Variants in KLHL1 observed in about 807,000 individuals in gnomAD.
KLHL1 encodes kelch-like protein 1.
KLHL1 carries 47 observed loss-of-function variants against 77.7 expected under a neutral mutation model. The observed-to-expected ratio is 0.60, with a 90% confidence interval of 0.48 to 0.77. KLHL1 has a LOEUF of 0.77. Among genes scored for constraint, KLHL1 ranks in the 30% least tolerant of loss-of-function variants. KLHL1 has a pLI of 0.00. For synonymous variants in KLHL1, 360 were observed against 325.2 expected, an observed-to-expected ratio of 1.11 and a Z score of -1.15; for missense variants, 925 against 910.8, an observed-to-expected ratio of 1.02 and a Z score of -0.20.
intron 5 of KLHL1, among the ~76,000 whole-genome samples, chr13:69,848,104 C>T (rs1443525441): frequency 2.0e-5 from 3 of 151,364 alleles, no homozygotes; most frequent in Non-Finnish European, 3.0e-5. Context: ...AATAGTGAGC[C>T]GTGGCTAGGA....
chr13:69,901,795 CTT>C lies in KLHL1; in HGVS notation c.1015-19302_1015-19301del, dbSNP rs1205221353. Among the ~76,000 whole-genome samples the C allele has an allele frequency of 5.4e-3, 220 of 40,850 alleles. 1 individual carries two copies. The highest frequency in any genetic ancestry group is 6.0e-3 in the Non-Finnish European group (140 of 23,166). 26.8% of individuals were successfully genotyped at this position (40,850 alleles called of 152,430 possible). A position where few individuals can be genotyped will look rare whatever the true frequency, so the allele number is the denominator to read the frequency against. ...TCATTTTCTTTCTTTTTCTTTTTTT[CTT>C]TTTTTTTTTTTTTTTCTGAGACGGA... On this transcript the variant is annotated intron_variant, in intron 4 of 10. Coordinates refer to ENST00000377844, the MANE Select transcript of KLHL1 (RefSeq NM_020866.3).
At chr13:70,082,359 A>G (rs1175851932) in intron 1 of KLHL1, among the ~76,000 whole-genome samples, 1 of 147,902 alleles carries the variant, frequency 6.8e-6, no homozygotes, top group African/African-American at 2.5e-5. Context: ...ACACACACAC[A>G]CACACACACA....
chr13:69,714,834 T>A (rs1876043136), intron 9 of KLHL1, among the ~76,000 whole-genome samples: 1 of 151,972 alleles, frequency 6.6e-6, no homozygotes, highest in Non-Finnish European at 1.5e-5. Flanking sequence ...GCTCAAGCAA[T>A]CCACAGTTCT....
chr13:69,983,159 A>C lies in KLHL1; in HGVS notation c.498-7357T>G, dbSNP rs1012913489. Among the ~76,000 whole-genome samples, 35 of 152,316 alleles carry C rather than the reference A, an allele frequency of 2.3e-4. 1 individual carries two copies. The highest frequency in any genetic ancestry group is 8.4e-4 in the African/African-American group (35 of 41,574). On this transcript the variant is annotated intron_variant, in intron 1 of 10. Transcript: ENST00000377844. ...ATAGTACAGAGGGTGCAAGATTTCTACAATGAAAACTACAAAATACTGATG... is the reference window on the plus strand; with the variant it reads ...ATAGTACAGAGGGTGCAAGATTTCTCCAATGAAAACTACAAAATACTGATG...
intron 3 of KLHL1, among the ~76,000 whole-genome samples, chr13:69,948,894 T>C (rs1438638085): frequency 6.6e-6 from 1 of 151,832 alleles, no homozygotes; most frequent in African/African-American, 2.4e-5. Flanking sequence ...ACAACGTAAA[T>C]CAAATTTTAT....
At chr13:69,716,490 A>G (rs181652101) in intron 9 of KLHL1, among the ~76,000 whole-genome samples, 4 of 152,326 alleles carry the variant, frequency 2.6e-5, no homozygotes, top group African/African-American at 9.6e-5. Context: ...CTTTCTGGTC[A>G]AATTTGCAAT....
At chr13:69,887,032 G>A (rs1881245687) in intron 4 of KLHL1, among the ~76,000 whole-genome samples, 1 of 152,128 alleles carries the variant, frequency 6.6e-6, no homozygotes, top group Non-Finnish European at 1.5e-5. Context: ...GGGGATCCTG[G>A]AATTTGGCTA....
chr13:69,757,819 T>C (rs569968215), intron 7 of KLHL1, among the ~76,000 whole-genome samples: 27 of 151,808 alleles, frequency 1.8e-4, no homozygotes, highest in African/African-American at 6.3e-4. Context: ...TAGCTTGGCG[T>C]GGTGGCAGGT....
chr13:69,818,284 G>A (rs141914108), intron 6 of KLHL1, among the ~76,000 whole-genome samples: 4 of 142,644 alleles, frequency 2.8e-5, no homozygotes, highest in Admixed American at 7.3e-5. Context: ...GCAGTGGCAC[G>A]ATCTCAGCTC....
At chr13:69,820,299 G>T (rs549778356) in intron 6 of KLHL1, among the ~76,000 whole-genome samples, 1 of 152,132 alleles carries the variant, frequency 6.6e-6, no homozygotes, top group Non-Finnish European at 1.5e-5. Flanking sequence ...TTATCATAAC[G>T]TATTCACTGT....
At chr13:69,854,650 T>C (rs913911596) in intron 5 of KLHL1, among the ~76,000 whole-genome samples, 1 of 152,082 alleles carries the variant, frequency 6.6e-6, no homozygotes, top group Non-Finnish European at 1.5e-5. Flanking sequence ...GTTATTAGTT[T>C]CTCTGAAATT....
At chr13:69,969,319 G>C (rs1884312500) in intron 2 of KLHL1, among the ~76,000 whole-genome samples, 1 of 151,638 alleles carries the variant, frequency 6.6e-6, no homozygotes, top group Non-Finnish European at 1.5e-5. Flanking sequence ...ATTTATTCTG[G>C]GCAGTTAGTA....
chr13:69,960,557 C>G (rs1884031257), intron 3 of KLHL1, among the ~76,000 whole-genome samples: 1 of 152,052 alleles, frequency 6.6e-6, no homozygotes. Context: ...TGTATGCCTT[C>G]TAACTCTCTT....
At chr13:69,907,962 T>A (rs1024786062) in intron 4 of KLHL1, among the ~76,000 whole-genome samples, 1 of 152,066 alleles carries the variant, frequency 6.6e-6, no homozygotes, top group African/African-American at 2.4e-5. Flanking sequence ...TTTATTAGCA[T>A]AAGTTACCAT....
At chr13:69,709,648 TA>T (rs1875787387) in intron 9 of KLHL1, among the ~76,000 whole-genome samples, 1 of 74,244 alleles carries the variant, frequency 1.3e-5, no homozygotes, top group African/African-American at 3.7e-5. Flanking sequence ...TGAGTTACAT[TA>T]AAAAATAAAG....
intron 2 of KLHL1, among the ~76,000 whole-genome samples, chr13:69,969,191 A>G (rs1480469359): frequency 1.3e-5 from 2 of 152,174 alleles, no homozygotes; most frequent in African/African-American, 4.8e-5. Context: ...TGACTTAACC[A>G]TGTAATTCAT....
chr13:70,076,791 G>A (rs375987447), intron 1 of KLHL1, among the ~76,000 whole-genome samples: 4 of 151,942 alleles, frequency 2.6e-5, no homozygotes, highest in African/African-American at 9.7e-5. Context: ...ACACAACAAT[G>A]AGAAAAAGAA....
chr13:69,871,215 G>T (rs1335394203), intron 5 of KLHL1, among the ~76,000 whole-genome samples: 1 of 152,106 alleles, frequency 6.6e-6, no homozygotes, highest in Non-Finnish European at 1.5e-5. Context: ...AGTACCCAGG[G>T]TCCTTTAAAC....
chr13:70,011,573 T>A (rs2137338771), intron 1 of KLHL1, among the ~76,000 whole-genome samples: 1 of 152,332 alleles, frequency 6.6e-6, no homozygotes, highest in Non-Finnish European at 1.5e-5. Flanking sequence ...CAACCTTGGC[T>A]ATTTGTTTCA....
Sources: allele counts gnomAD v4.1 joint callset (sites outside exome capture counted in the v4.1 genomes callset), GRCh38; gene constraint gnomAD v4.1.1; transcripts MANE v1.5; gene names NCBI Gene and HGNC (gene_info 2026-07-23, HGNC 2026-07-21).